SLC25A20: variants seen among roughly 807,000 people sequenced by gnomAD.
SLC25A20 encodes the protein solute carrier family 25 member 20.
In SLC25A20, 29 loss-of-function variants were observed where a neutral mutation model predicts 39.7. The ratio of observed to expected loss-of-function variants is 0.73; its 90% CI spans 0.54 to 1.00. The LOEUF is 1.00. Ranked by LOEUF, SLC25A20 falls within the 50% of genes least tolerant of loss-of-function variation. SLC25A20 has a pLI of 0.00. For missense variants in SLC25A20, 333 were observed against 379.9 expected, an observed-to-expected ratio of 0.88 and a Z score of 1.03; for synonymous variants, 103 against 142.2, an observed-to-expected ratio of 0.72 and a Z score of 1.96.
chr3:48,891,816 A>G (rs527802796), intron 2 of SLC25A20, among the ~76,000 whole-genome samples, 164 bp downstream of exon 2: 1 of 152,266 alleles, frequency 6.6e-6, no homozygotes, highest in South Asian at 2.1e-4. Context: ...AGAGACTCCA[A>G]AGCAGATGAC....
rs1478104585 is a variant in SLC25A20, at chr3:48,894,158, C to T, written c.106-2086G>A. Among the ~76,000 whole-genome samples the T allele has an allele frequency of 6.1e-5, 4 of 65,156 alleles. No individual in the cohort carries two copies. The East Asian group carries it at 2.3e-3, about 37-fold the overall frequency. The allele number at this position is 65,156 out of a possible 152,430, so 42.7% of individuals were successfully genotyped here. A position where few individuals can be genotyped will look rare whatever the true frequency, so the allele number is the denominator to read the frequency against. On this transcript the variant is annotated intron_variant, in intron 1 of 8. Transcript: ENST00000319017. ...CCTGGGCAAGAGTGAGACTCCTTCT[C>T]AAAAAAAAAAAAAAAAGAAGAAGAT...
intron 4 of SLC25A20, among the ~76,000 whole-genome samples, chr3:48,874,296 T>C (rs986141705): frequency 6.6e-6 from 1 of 151,680 alleles, no homozygotes; most frequent in African/African-American, 2.4e-5. Flanking sequence ...CATCTCTAAA[T>C]AAATAAATAA....
intron 1 of SLC25A20, among the ~76,000 whole-genome samples, chr3:48,895,347 T>C (rs2083903363): frequency 6.6e-6 from 1 of 152,110 alleles, no homozygotes; most frequent in Admixed American, 6.6e-5. Flanking sequence ...TTCTCCATGT[T>C]GGTCACCTGC....
At chr3:48,893,147 C>T (rs980974719) in intron 1 of SLC25A20, among the ~76,000 whole-genome samples, 9 of 151,942 alleles carry the variant, frequency 5.9e-5, no homozygotes, top group Non-Finnish European at 1.0e-4. Flanking sequence ...CCCACCTCAG[C>T]CCCCCAAGCA....
rs1048565926 is a variant in SLC25A20 at position 48,898,853 on chromosome 3, C to T, written c.-59G>A. 1.1e-5 allele frequency: 16 copies of T among 1,493,144 alleles called. No individual in the cohort carries two copies. The Admixed American group carries it at 3.1e-4, about 29-fold the overall frequency. The allele number at this position is 1,493,144 out of a possible 1,614,324, so 92.5% of individuals were successfully genotyped here. ...TCGGGCCGTCCTGGCTTCTCAGCCC[C>T]AGCTGCAGTGCCGGCGCCGCCGACC... is the stretch of plus-strand genomic sequence containing the variant. On this transcript the variant is annotated 5_prime_UTR_variant, in exon 1 of 9. Transcript: ENST00000319017.
chr3:48,857,782 G>A lies in SLC25A20; in HGVS notation c.844-10C>T. 5.6e-6 allele frequency: 9 copies of A among 1,613,052 alleles called. No homozygotes were observed. The highest frequency in any genetic ancestry group is 6.8e-6 in the Non-Finnish European group (8 of 1,179,498). The stretch of plus-strand genomic sequence containing the variant: ...AGCCAAGGAAACAGGCCTAAGAAGG[G>A]ATTGGGAGGAAGAAAAAAGCCAGCA... On this transcript the variant is annotated splice_polypyrimidine_tract_variant and intron_variant, in intron 8 of 8. Transcript: ENST00000319017.
chr3:48,865,002 G>A (rs115632763), intron 4 of SLC25A20, among the ~76,000 whole-genome samples: 2,356 of 152,250 alleles, frequency 0.015, 57 homozygotes, highest in African/African-American at 0.052. Context: ...AAAATGCTGA[G>A]AGTAGAGGAG....
chr3:48,876,131 T>G (rs1420818545), intron 4 of SLC25A20, among the ~76,000 whole-genome samples: 2 of 151,880 alleles, frequency 1.3e-5, no homozygotes, highest in African/African-American at 2.4e-5. Flanking sequence ...TCACCTGAGG[T>G]CAGGAGTTTG....
intron 4 of SLC25A20, among the ~76,000 whole-genome samples, chr3:48,871,698 C>T (rs945117485): frequency 4.7e-5 from 7 of 147,556 alleles, no homozygotes; most frequent in African/African-American, 1.8e-4. Context: ...ACCCGGGAGG[C>T]AGAGGTTGTG....
chr3:48,879,011 C>T (rs2083781330), intron 4 of SLC25A20, among the ~76,000 whole-genome samples: 1 of 151,978 alleles, frequency 6.6e-6, no homozygotes, highest in African/African-American at 2.4e-5. Context: ...GCTGGGATTA[C>T]AGGTGCCCAC....
Position 48,859,162 on chromosome 3 carries a change from C to A in SLC25A20, c.648G>T (p.Gly216=). 6.2e-7 allele frequency: 1 copy of A among 1,614,030 alleles called. No individual in the cohort carries two copies. The highest frequency in any genetic ancestry group is 8.5e-7 in the Non-Finnish European group (1 of 1,180,016). The change falls in exon 7 of 9, where the codon GGG becomes GGT. Residue 216 remains glycine (G), a synonymous_variant. Coordinates refer to ENST00000319017, the MANE Select transcript of SLC25A20 (RefSeq NM_000387.6). ...CCCAGTTGAAGATCCCTGCAATGCC[C>A]CCAGCCACCAAGATCCGAGGGGCAC... The part of the protein sequence containing the change: ...ELSAPRILVA[G]GIAGIFNWAV...
chr3:48,892,718 G>C (rs918053188), intron 1 of SLC25A20, among the ~76,000 whole-genome samples: 3 of 152,072 alleles, frequency 2.0e-5, no homozygotes, highest in Non-Finnish European at 4.4e-5. Context: ...ACATTAGGGA[G>C]GACAATTAGC....
chr3:48,897,883 C>T (rs1322583792), intron 1 of SLC25A20, among the ~76,000 whole-genome samples: 1 of 152,188 alleles, frequency 6.6e-6, no homozygotes, highest in African/African-American at 2.4e-5. Context: ...GATGCAGCTT[C>T]GAGTGCTAAG....
chr3:48,857,579 G>T lies in SLC25A20; in HGVS notation c.*131C>A. 1 of 788,336 alleles carries T rather than the reference G, an allele frequency of 1.3e-6. No homozygotes were observed. Among genetic ancestry groups the T allele is most frequent in the South Asian group, 1.5e-5 (1 of 68,314 alleles). The allele number at this position is 788,336 out of a possible 1,614,324, so 48.8% of individuals were successfully genotyped here. On this transcript the variant is annotated 3_prime_UTR_variant, in exon 9 of 9. Transcript: ENST00000319017. ...GTCATTAAGGCAACAGTCTCACCAA[G>T]TCCATGCACAGGGCTCGGATCTCAC...
intron 5 of SLC25A20, among the ~76,000 whole-genome samples, chr3:48,861,474 C>T (rs1307498056): frequency 1.3e-5 from 2 of 152,184 alleles, no homozygotes; most frequent in Non-Finnish European, 2.9e-5. Context: ...CGCCTATAAT[C>T]CTAGCACTTT....
At chr3:48,877,419 C>T (rs2083766864) in intron 4 of SLC25A20, among the ~76,000 whole-genome samples, 1 of 149,534 alleles carries the variant, frequency 6.7e-6, no homozygotes, top group Non-Finnish European at 1.5e-5. Context: ...GAAATTCTAT[C>T]TCCAAAAATA....
In SLC25A20 at chr3:48,898,821, T is replaced by G. The variant is rs939379369; in HGVS notation, c.-27A>C. 4.1e-5 allele frequency: 63 copies of G among 1,548,652 alleles called. No homozygotes were observed. Among genetic ancestry groups the G allele is most frequent in the Middle Eastern group, 1.7e-4 (1 of 5,938 alleles). Reference sequence around the variant, plus strand: ...GTCAGTCCGTCTGTCACTCCGTCTGTCAGTTCTCGGGCCGTCCTGGCTTCT... The same window carrying G: ...GTCAGTCCGTCTGTCACTCCGTCTGGCAGTTCTCGGGCCGTCCTGGCTTCT... On this transcript the variant is annotated 5_prime_UTR_variant, in exon 1 of 9. Transcript: ENST00000319017.
intron 4 of SLC25A20, among the ~76,000 whole-genome samples, chr3:48,872,687 CAAAA>C (rs551848720): frequency 6.1e-5 from 4 of 65,598 alleles, no homozygotes; most frequent in Admixed American, 1.8e-4. Flanking sequence ...CCCATCCTTA[CAAAA>C]AAAAAAAAAA....
intron 5 of SLC25A20, among the ~76,000 whole-genome samples, chr3:48,860,159 G>A (rs1192823300): frequency 5.9e-5 from 9 of 152,002 alleles, no homozygotes; most frequent in Admixed American, 3.3e-4. Flanking sequence ...AAATTAGCCA[G>A]GCGTGGTGGC....
Sources: gnomAD v4.1 joint callset for allele counts (sites outside exome capture counted in the v4.1 genomes callset) on GRCh38, gnomAD v4.1.1 for gene constraint, MANE v1.5 for transcripts, NCBI Gene and HGNC (gene_info 2026-07-23, HGNC 2026-07-21) for gene names.